PCDHGB2: variants seen among roughly 807,000 people sequenced by gnomAD.
The protein encoded by PCDHGB2 is protocadherin gamma subfamily B, 2.
Under a neutral mutation model 59.3 loss-of-function variants are expected in PCDHGB2, and 55 were observed. The ratio of observed to expected loss-of-function variants is 0.93; its 90% CI spans 0.75 to 1.16. PCDHGB2 has a LOEUF of 1.16. Ranked by LOEUF, PCDHGB2 falls within the 50% of genes most tolerant of loss-of-function variation. The probability of loss-of-function intolerance (pLI) is 0.00; values close to 1 mark genes in which losing one functional copy is unlikely to be tolerated. For synonymous variants in PCDHGB2, 516 were observed against 512.0 expected (o/e 1.01, Z -0.11); for missense variants, 1,228 against 1,198.5 (o/e 1.02, Z -0.36).
At chr5:141,388,459 C>G in intron 1 of PCDHGB2, 1 of 1,613,696 alleles carries the variant, frequency 6.2e-7, no homozygotes, top group Non-Finnish European at 8.5e-7. Flanking sequence ...AGTAAATACC[C>G]TGAGATGGTA....
At chr5:141,382,732 G>A in intron 1 of PCDHGB2, 1 of 562,814 alleles carries the variant, frequency 1.8e-6, no homozygotes, top group African/African-American at 1.9e-5. Context: ...TTACAGCACA[G>A]AGAAACGACA....
In PCDHGB2 at chr5:141,403,638, A is replaced by G. The variant is rs373036061; in HGVS notation, c.2421+41082A>G. On this transcript the variant is annotated intron_variant, in intron 1 of 3. Coordinates refer to ENST00000522605, the MANE Select transcript of PCDHGB2 (RefSeq NM_018923.3). ...CGTCGCTCCAGCACAGTGCGCATCCATGTGACAGTGTTGGATACAAATGAT... is the reference window on the plus strand; with the variant it reads ...CGTCGCTCCAGCACAGTGCGCATCCGTGTGACAGTGTTGGATACAAATGAT... The G allele has an allele frequency of 1.5e-5, 25 of 1,613,906 alleles. No individual in the cohort carries two copies. The East Asian group carries it at 4.5e-4, about 29-fold the overall frequency.
chr5:141,433,837 C>CAAA lies in PCDHGB2; in HGVS notation c.2422-60954_2422-60952dup, dbSNP rs56191208. The stretch of plus-strand genomic sequence containing the variant: ...GGGCAACAAGAGTGAAACTCTATCT[C>CAAA]AAAAAAAAAAAAAAAAAACTTTATC... On this transcript the variant is annotated intron_variant, in intron 1 of 3. Transcript: ENST00000522605. 4.3e-3 allele frequency among the ~76,000 whole-genome samples: 475 copies of CAAA among 111,672 alleles called. 6 individuals carry two copies. The highest frequency in any genetic ancestry group is 0.013 in the African/African-American group (431 of 32,292). The allele number at this position is 111,672 out of a possible 152,430, so 73.3% of individuals were successfully genotyped here.
At chr5:141,370,362 CGGATTTA>C in intron 1 of PCDHGB2, 2 of 1,517,790 alleles carry the variant, frequency 1.3e-6, no homozygotes, top group Non-Finnish European at 1.8e-6. Flanking sequence ...CTCCTCTCCT[CGGATTTA>C]GAAAGGCAAA....
chr5:141,410,440 G>A, intron 1 of PCDHGB2: 1 of 1,614,036 alleles, frequency 6.2e-7, no homozygotes, highest in Non-Finnish European at 8.5e-7. Context: ...ACAGTGAGGG[G>A]ACTTTGCCTT....
At chr5:141,509,404 A>C (rs1248030362) in intron 3 of PCDHGB2, among the ~76,000 whole-genome samples, 3 of 152,112 alleles carry the variant, frequency 2.0e-5, no homozygotes, top group Non-Finnish European at 4.4e-5. Context: ...CAGGGCCTCC[A>C]GCAGCGAGCC....
chr5:141,360,101 C>A lies in PCDHGB2; in HGVS notation c.-35C>A. On this transcript the variant is annotated 5_prime_UTR_variant, in exon 1 of 4. Coordinates refer to ENST00000522605, the MANE Select transcript of PCDHGB2 (RefSeq NM_018923.3). ...TTCTGCCATCCCCGGAAGGCTTATT[C>A]CTCCTATGGGCAAAGGAGCAAAGGG... 4.6e-6 allele frequency: 7 copies of A among 1,533,060 alleles called. No homozygotes were observed. The Middle Eastern group carries it at 5.4e-4, about 118-fold the overall frequency. The allele number at this position is 1,533,060 out of a possible 1,614,324, so 95.0% of individuals were successfully genotyped here.
At chr5:141,426,407 C>T (rs974898367) in intron 1 of PCDHGB2, 5 of 257,632 alleles carry the variant, frequency 1.9e-5, no homozygotes, top group African/African-American at 6.6e-5. Context: ...CCAGAAGAAA[C>T]GGTCCAGGGC....
chr5:141,494,929 GGA>G, intron 2 of PCDHGB2, 64 bp downstream of exon 2: 1 of 1,613,142 alleles, frequency 6.2e-7, no homozygotes, highest in Non-Finnish European at 8.5e-7. Flanking sequence ...TGACGTGGGA[GGA>G]GATGGGGGAG....
At chr5:141,470,227 C>A (rs1387947362) in intron 1 of PCDHGB2, among the ~76,000 whole-genome samples, 1 of 152,160 alleles carries the variant, frequency 6.6e-6, no homozygotes, top group Non-Finnish European at 1.5e-5. Flanking sequence ...AGCTTCTTCA[C>A]CAAACCCTTG....
intron 1 of PCDHGB2, chr5:141,392,986 A>G (rs573495684): frequency 1.9e-6 from 3 of 1,613,454 alleles, no homozygotes; most frequent in East Asian, 4.5e-5. Context: ...GACCCCCGGA[A>G]GCTGGCGAAG....
At chr5:141,405,359 GAC>G in intron 1 of PCDHGB2, 1 of 1,614,018 alleles carries the variant, frequency 6.2e-7, no homozygotes, top group Admixed American at 1.7e-5. Context: ...TCCTATAGAA[GAC>G]ACCCCTTTGG....
chr5:141,362,432 A>G lies in PCDHGB2; in HGVS notation c.2297A>G (p.Asn766Ser), dbSNP rs776686357. 9.9e-6 allele frequency: 16 copies of G among 1,613,806 alleles called. No individual in the cohort carries two copies. Among genetic ancestry groups the G allele is most frequent in the African/African-American group, 2.7e-5 (2 of 74,878 alleles). ...VASQSAKTEF[N>S]FLNITPELVP... is the part of the protein sequence containing the mutation. ...TCACAATCAGCCAAGACAGAGTTCAATTTTCTGAACATAACCCCGGAATTG... is the reference window on the plus strand; with the variant it reads ...TCACAATCAGCCAAGACAGAGTTCAGTTTTCTGAACATAACCCCGGAATTG... Residue 766 changes from asparagine to serine, a missense_variant, in exon 1 of 4, where the codon AAT becomes AGT. Physicochemically the swap from Asn to Ser is conservative, Grantham distance 46. Transcript: ENST00000522605.
At chr5:141,371,103 G>A in intron 1 of PCDHGB2, 1 of 1,613,826 alleles carries the variant, frequency 6.2e-7, no homozygotes, top group South Asian at 1.1e-5. Context: ...AGATGCAAAT[G>A]ATAACCCCCC....
At chr5:141,372,937 GGGTGTCTAGGA>G (rs538849819) in intron 1 of PCDHGB2, 1 of 831,292 alleles carries the variant, frequency 1.2e-6, no homozygotes, top group East Asian at 2.7e-5. Flanking sequence ...GTGTAGAGTA[GGGTGTCTAGGA>G]AATTCTTTGT....
Position 141,486,239 on chromosome 5 carries a change from C to G in PCDHGB2, c.2422-8568C>G, listed in dbSNP as rs751510109. On this transcript the variant is annotated intron_variant, in intron 1 of 3. Transcript: ENST00000522605. The surrounding 1 kb of genome is among the most constrained non-coding windows in gnomAD (Gnocchi z 5.0). ...CCCTTACATCACAGTGACCTCAGAG[C>G]TTGGAACCCTCCCCGAGAGTGCAGA... 6.2e-7 allele frequency: 1 copy of G among 1,614,160 alleles called. No individual in the cohort carries two copies. Among genetic ancestry groups the G allele is most frequent in the Admixed American group, 1.7e-5 (1 of 60,020 alleles).
At chr5:141,482,719 G>C (rs1221351410) in intron 1 of PCDHGB2, among the ~76,000 whole-genome samples, 1 of 129,252 alleles carries the variant, frequency 7.7e-6, no homozygotes, top group African/African-American at 3.5e-5. Flanking sequence ...GGCAGGGAGG[G>C]GCCATTGCAA....
At chr5:141,429,577 T>C (rs2097225544) in intron 1 of PCDHGB2, among the ~76,000 whole-genome samples, 2 of 152,230 alleles carry the variant, frequency 1.3e-5, no homozygotes, top group South Asian at 4.1e-4. Context: ...TTACATTTAC[T>C]TTTGATTCTT....
chr5:141,383,705 T>C lies in PCDHGB2; in HGVS notation c.2421+21149T>C, dbSNP rs765563941. The C allele has an allele frequency of 5.0e-6, 8 of 1,614,020 alleles. No individual in the cohort carries two copies. In the South Asian group the frequency reaches 8.8e-5, roughly 18 times the overall value. ...CTGCTCACGGTACATGCTATCGACC[T>C]GGACGAGGGAGTCAATGGGGAAGTG... On this transcript the variant is annotated intron_variant, in intron 1 of 3. Transcript: ENST00000522605.
Sources: gnomAD v4.1 joint callset for allele counts (sites outside exome capture counted in the v4.1 genomes callset) on GRCh38, gnomAD v4.1.1 for gene constraint, Gnocchi (gnomAD v3.1) non-coding constraint, MANE v1.5 for transcripts, NCBI Gene and HGNC (gene_info 2026-07-23, HGNC 2026-07-21) for gene names.